Variants in TIAM1 observed in about 807,000 individuals in gnomAD.
The protein encoded by TIAM1 is TIAM Rac1 associated GEF 1.
A neutral mutation model predicts 163.5 loss-of-function variants in TIAM1; 65 were observed. That is an observed-to-expected ratio of 0.40 (90% confidence interval 0.33 to 0.49). The LOEUF is 0.49. Ranked by LOEUF, TIAM1 falls within the 20% of genes least tolerant of loss-of-function variation. The pLI is 0.77. For missense variants in TIAM1, 1,789 were observed against 2,044.7 expected, an observed-to-expected ratio of 0.87 and a Z score of 2.41; for synonymous variants, 833 against 810.1, an observed-to-expected ratio of 1.03 and a Z score of -0.48.
At chr21:31,441,758 C>G (rs1371119509) in intron 2 of TIAM1, among the ~76,000 whole-genome samples, 2 of 151,162 alleles carry the variant, frequency 1.3e-5, no homozygotes, top group Non-Finnish European at 2.9e-5. Flanking sequence ...AGACTTAATT[C>G]AAAACTATTG....
intron 15 of TIAM1, among the ~76,000 whole-genome samples, chr21:31,175,086 G>A (rs117638584): frequency 1.9e-3 from 286 of 152,242 alleles, no homozygotes; most frequent in Non-Finnish European, 2.9e-3. Flanking sequence ...GGGACTACCG[G>A]TGCACACCAC....
intron 2 of TIAM1, among the ~76,000 whole-genome samples, chr21:31,431,087 C>T (rs982715640): frequency 2.0e-5 from 3 of 152,164 alleles, no homozygotes; most frequent in Non-Finnish European, 2.9e-5. Flanking sequence ...TGTACTTCTG[C>T]ATGTATGGGT....
At chr21:31,225,361 A>G (rs2087890515) in intron 7 of TIAM1, among the ~76,000 whole-genome samples, 1 of 152,142 alleles carries the variant, frequency 6.6e-6, no homozygotes, top group South Asian at 2.1e-4. Flanking sequence ...TTTACTGAGG[A>G]GTCAGAAATG....
intron 26 of TIAM1, 97 bp from the exon 27 acceptor site, chr21:31,124,791 G>A (rs2082131216): frequency 1.8e-6 from 2 of 1,095,106 alleles, no homozygotes; most frequent in Non-Finnish European, 2.5e-6. Context: ...ATCCCTTAGG[G>A]CCAAAGGCTA....
At chr21:31,460,874 A>G (rs2045299997) in intron 2 of TIAM1, among the ~76,000 whole-genome samples, 1 of 152,220 alleles carries the variant, frequency 6.6e-6, no homozygotes, top group Non-Finnish European at 1.5e-5. Flanking sequence ...AGATGCAATT[A>G]AAAAAGAAAA....
At chr21:31,452,245 C>G (rs114368083) in intron 2 of TIAM1, among the ~76,000 whole-genome samples, 1 of 152,122 alleles carries the variant, frequency 6.6e-6, no homozygotes, top group Non-Finnish European at 1.5e-5. Context: ...CAAGACCAGC[C>G]GAGCCAACAT....
rs1346778946 is a variant in TIAM1, at chr21:31,487,524, C to T, written c.-421-23489G>A. On this transcript the variant is annotated intron_variant, in intron 1 of 28. Transcript: ENST00000286827. Reference sequence around the variant, plus strand: ...TAGCTGGGATTACAGGTGGCCGCCACCATGCCCAGCTAATTTTTTTTTTTT... The same window carrying T: ...TAGCTGGGATTACAGGTGGCCGCCATCATGCCCAGCTAATTTTTTTTTTTT... Among the ~76,000 whole-genome samples the T allele has an allele frequency of 2.0e-5, 3 of 151,016 alleles. No individual in the cohort carries two copies. The East Asian group carries it at 5.9e-4, about 30-fold the overall frequency.
At chr21:31,162,360 C>T (rs1432533938) in intron 16 of TIAM1, among the ~76,000 whole-genome samples, 1 of 152,072 alleles carries the variant, frequency 6.6e-6, no homozygotes, top group Non-Finnish European at 1.5e-5. Flanking sequence ...AGAACCCAGC[C>T]ACCAAGAACT....
intron 1 of TIAM1, among the ~76,000 whole-genome samples, chr21:31,496,397 G>A (rs1204086198): frequency 3.4e-5 from 5 of 147,898 alleles, no homozygotes; most frequent in Non-Finnish European, 7.4e-5. Context: ...CTGAATCCAG[G>A]AGACGAAGTT....
At chr21:31,487,813 T>A (rs536064440) in intron 1 of TIAM1, among the ~76,000 whole-genome samples, 148 of 152,092 alleles carry the variant, frequency 9.7e-4, no homozygotes, top group Non-Finnish European at 6.2e-4. Context: ...CGCCTCGGCC[T>A]CCCAAAGTGC....
At chr21:31,366,085 CAAAAAAAA>C (rs869163144) in intron 2 of TIAM1, among the ~76,000 whole-genome samples, 4 of 69,542 alleles carry the variant, frequency 5.8e-5, no homozygotes, top group Admixed American at 1.8e-4. Flanking sequence ...GACTCTGTCT[CAAAAAAAA>C]AAAAAAAAAA....
intron 1 of TIAM1, among the ~76,000 whole-genome samples, chr21:31,469,245 C>A (rs2045649793): frequency 6.6e-6 from 1 of 151,714 alleles, no homozygotes; most frequent in African/African-American, 2.4e-5. Context: ...CGCCACCACA[C>A]CATACCTGGC....
intron 4 of TIAM1, among the ~76,000 whole-genome samples, chr21:31,260,243 C>CTT (rs36068901): frequency 7.2e-6 from 1 of 138,172 alleles, no homozygotes; most frequent in African/African-American, 2.7e-5. Flanking sequence ...CACATATATA[C>CTT]TTTTTTTTTT....
chr21:31,302,736 A>C (rs1360446124), intron 2 of TIAM1, among the ~76,000 whole-genome samples: 2 of 152,250 alleles, frequency 1.3e-5, no homozygotes, highest in Admixed American at 1.3e-4. Flanking sequence ...AAGATGAATT[A>C]TTTCACACAG....
At chr21:31,307,021 A>C (rs942879818) in intron 2 of TIAM1, among the ~76,000 whole-genome samples, 3 of 146,972 alleles carry the variant, frequency 2.0e-5, no homozygotes, top group Admixed American at 6.7e-5. Flanking sequence ...TTGCATCGCC[A>C]ACTTTTCTAG....
rs191832190 is a variant in TIAM1, at chr21:31,292,039, T to C, written c.-188-15131A>G. Reference sequence around the variant, plus strand: ...GGCAGCGTGATTGGTAAATGTAACATAGGCTTAGGATCTGAGAGACCTGAT... The same window carrying C: ...GGCAGCGTGATTGGTAAATGTAACACAGGCTTAGGATCTGAGAGACCTGAT... On this transcript the variant is annotated intron_variant, in intron 2 of 27. Transcript: ENST00000541036. 1.3e-4 allele frequency among the ~76,000 whole-genome samples: 20 copies of C among 152,306 alleles called. No individual in the cohort carries two copies. In the East Asian group the frequency reaches 3.7e-3, roughly 28 times the overall value.
At chr21:31,213,539 G>T in intron 9 of TIAM1, 67 bp from the exon 10 acceptor site, 1 of 1,421,242 alleles carries the variant, frequency 7.0e-7, no homozygotes, top group South Asian at 1.2e-5. Context: ...CGTAGGAAGG[G>T]GGAAGGAAAT....
intron 17 of TIAM1, among the ~76,000 whole-genome samples, chr21:31,153,873 C>T (rs1335072857): frequency 6.6e-6 from 1 of 150,480 alleles, no homozygotes; most frequent in Non-Finnish European, 1.5e-5. Flanking sequence ...CCAGCATGGG[C>T]AACATGGTGA....
In TIAM1 at chr21:31,402,083, C is replaced by T. The variant is rs141629004; in HGVS notation, c.-369+61900G>A. Among the ~76,000 whole-genome samples the T allele has an allele frequency of 3.9e-3, 596 of 151,702 alleles. 2 individuals are homozygous for T. Among genetic ancestry groups the T allele is most frequent in the South Asian group, 9.0e-3 (43 of 4,802 alleles). ...AAAAAATTAGCCGGGCGTGGTGGTGCGCACCTGCAATTCCAGCTACTTGGG... is the reference window on the plus strand; with the variant it reads ...AAAAAATTAGCCGGGCGTGGTGGTGTGCACCTGCAATTCCAGCTACTTGGG... On this transcript the variant is annotated intron_variant, in intron 2 of 28. Coordinates refer to the TIAM1 transcript ENST00000286827.
Sources: gnomAD v4.1 joint callset for allele counts (sites outside exome capture counted in the v4.1 genomes callset) on GRCh38, gnomAD v4.1.1 for gene constraint, MANE v1.5 for transcripts, NCBI Gene and HGNC (gene_info 2026-07-23, HGNC 2026-07-21) for gene names.